Variants in DLG2 observed in about 807,000 individuals in gnomAD.
DLG2 encodes the protein disks large homolog 2.
A neutral mutation model predicts 132.5 loss-of-function variants in DLG2; 45 were observed. The ratio of observed to expected loss-of-function variants is 0.34; its 90% confidence interval spans 0.27 to 0.44. The LOEUF (loss-of-function observed/expected upper bound fraction) is 0.44, where lower values mean the gene tolerates loss of function less well. Ranked by LOEUF, DLG2 falls within the 20% of genes least tolerant of loss-of-function variation. The probability of loss-of-function intolerance (pLI) is 1.00; values close to 1 mark genes in which losing one functional copy is unlikely to be tolerated. For missense variants in DLG2, 1,045 were observed against 1,196.9 expected, an observed-to-expected ratio of 0.87 and a Z score of 1.87; for synonymous variants, 424 against 419.6, an observed-to-expected ratio of 1.01 and a Z score of -0.13.
intron 6 of DLG2, among the ~76,000 whole-genome samples, chr11:84,870,258 A>C (rs932098529): frequency 2.6e-5 from 4 of 152,204 alleles, no homozygotes; most frequent in African/African-American, 4.8e-5. Flanking sequence ...GGGAAGAGCG[A>C]TGTTTTAGCA....
chr11:85,264,084 C>A (rs1164654835), intron 4 of DLG2, among the ~76,000 whole-genome samples: 1 of 152,058 alleles, frequency 6.6e-6, no homozygotes, highest in African/African-American at 2.4e-5. Flanking sequence ...GATGTTGTGC[C>A]AACAGGTTTG....
At chr11:84,273,303 GAGGAA>G in intron 7 of DLG2, 1 of 335,952 alleles carries the variant, frequency 3.0e-6, no homozygotes, top group Non-Finnish European at 4.0e-6. Context: ...CCCAGTTGAA[GAGGAA>G]AAAAAAAAAA....
chr11:84,553,039 T>C (rs1329108969), intron 6 of DLG2, among the ~76,000 whole-genome samples: 1 of 152,156 alleles, frequency 6.6e-6, no homozygotes, highest in Non-Finnish European at 1.5e-5. Flanking sequence ...CTTTCTAATC[T>C]TTTCTCACCT....
intron 6 of DLG2, among the ~76,000 whole-genome samples, chr11:85,109,570 T>C (rs2072368032): frequency 6.6e-6 from 1 of 152,146 alleles, no homozygotes; most frequent in African/African-American, 2.4e-5. Context: ...ATCCTAATTA[T>C]GCAATTTCCT....
chr11:83,929,495 C>CT (rs1418033281), intron 15 of DLG2, among the ~76,000 whole-genome samples: 1 of 152,156 alleles, frequency 6.6e-6, no homozygotes, highest in East Asian at 1.9e-4. Context: ...AAGAGGAGGT[C>CT]TTTTTTGTTA....
At chr11:85,563,932 A>G (rs1358206561) in intron 3 of DLG2, among the ~76,000 whole-genome samples, 3 of 152,090 alleles carry the variant, frequency 2.0e-5, no homozygotes, top group African/African-American at 7.2e-5. Context: ...TCCCACCAGA[A>G]ATGTATGGGT....
intron 11 of DLG2, among the ~76,000 whole-genome samples, chr11:84,000,755 GA>G (rs2094304205): frequency 6.6e-6 from 1 of 151,926 alleles, no homozygotes; most frequent in Non-Finnish European, 1.5e-5. Flanking sequence ...ACTATGTACA[GA>G]AAAATTATCC....
chr11:83,591,381 A>T (rs1421820260), intron 19 of DLG2, among the ~76,000 whole-genome samples: 15 of 110,222 alleles, frequency 1.4e-4, no homozygotes, highest in Non-Finnish European at 2.4e-4. Context: ...ACAGAGCCAA[A>T]GACAAAAACC....
chr11:84,992,006 G>A (rs965725006), intron 6 of DLG2, among the ~76,000 whole-genome samples: 3 of 152,022 alleles, frequency 2.0e-5, no homozygotes, highest in Admixed American at 2.0e-4. Context: ...CAATCATGAA[G>A]GCATCTAAGT....
intron 6 of DLG2, among the ~76,000 whole-genome samples, chr11:84,795,588 C>T (rs2074480371): frequency 1.3e-5 from 2 of 152,138 alleles, no homozygotes; most frequent in Non-Finnish European, 2.9e-5. Context: ...AGACAGGGGA[C>T]AAGAACTCAG....
chr11:84,757,479 G>A lies in DLG2; in HGVS notation c.358-222748C>T, dbSNP rs375074236. ...TTTGAGGAGCATTGGACAGATAATCGCTTAAGCCCTGGTATTCTACAAGAT... is the reference window on the plus strand; with the variant it reads ...TTTGAGGAGCATTGGACAGATAATCACTTAAGCCCTGGTATTCTACAAGAT... On this transcript the variant is annotated intron_variant, in intron 6 of 27. Coordinates refer to ENST00000376104, the MANE Select transcript of DLG2 (RefSeq NM_001142699.3). Among the ~76,000 whole-genome samples, 12 of 152,038 alleles carry A rather than the reference G, an allele frequency of 7.9e-5. No individual in the cohort carries two copies. The East Asian group carries it at 9.7e-4, about 12-fold the overall frequency.
rs192361559 is a variant in DLG2 at position 84,778,774 on chromosome 11, G to C, written c.358-244043C>G. On this transcript the variant is annotated intron_variant, in intron 6 of 27. Coordinates refer to ENST00000376104, the MANE Select transcript of DLG2 (RefSeq NM_001142699.3). ...TAACATTTGAGTCAGTGAACTGAGA[G>C]AGGAAGACTCACCCTCAAGAAGACC... 1.5e-4 allele frequency among the ~76,000 whole-genome samples: 23 copies of C among 152,288 alleles called. No individual in the cohort carries two copies. The East Asian group carries it at 4.4e-3, about 29-fold the overall frequency.
Position 84,854,264 on chromosome 11 carries a change from C to G in DLG2, c.357+257397G>C, listed in dbSNP as rs116136232. On this transcript the variant is annotated intron_variant, in intron 6 of 27. Coordinates refer to ENST00000376104, the MANE Select transcript of DLG2 (RefSeq NM_001142699.3). ...CTTGTTATTGCCCAATATAAACCTG[C>G]CTAACAAGTAGAACAAAAGTGTATC... Among the ~76,000 whole-genome samples the G allele has an allele frequency of 8.3e-3, 1,253 of 150,852 alleles. 27 individuals carry two copies. Among genetic ancestry groups the G allele is most frequent in the African/African-American group, 0.028 (1,172 of 41,440 alleles).
intron 19 of DLG2, among the ~76,000 whole-genome samples, chr11:83,611,804 G>C (rs563365503): frequency 6.6e-6 from 1 of 152,182 alleles, no homozygotes; most frequent in Admixed American, 6.5e-5. Context: ...GGGACACTGA[G>C]GGCTTGTTGC....
At chr11:83,971,978 T>C (rs2091428839) in intron 12 of DLG2, among the ~76,000 whole-genome samples, 1 of 152,104 alleles carries the variant, frequency 6.6e-6, no homozygotes, top group South Asian at 2.1e-4. Flanking sequence ...TAGAGCAAAA[T>C]TAACTCTAAA....
At position 85,285,258 on chromosome 11, in the gene DLG2, G is replaced by A; in HGVS notation, c.148C>T (p.Leu50Phe). 6.2e-7 allele frequency: 1 copy of A among 1,611,886 alleles called. No homozygotes were observed. Among genetic ancestry groups the A allele is most frequent in the Non-Finnish European group, 8.5e-7 (1 of 1,178,562 alleles). Residue 50 changes from leucine to phenylalanine, a missense_variant, in exon 4 of 28, where the codon CTT becomes TTT. Leu to Phe is a conservative substitution (Grantham distance 22, BLOSUM62 0). Transcript: ENST00000376104. The part of the protein sequence containing the change: ...VLQKWEKTSL[L>F]APCHDRLQKS... Reference sequence around the variant, plus strand: ...TGAAGTCTGTCATGGCACGGAGCAAGAAGGGATGTCTTCTCCCATTTCTGT... The same window carrying A: ...TGAAGTCTGTCATGGCACGGAGCAAAAAGGGATGTCTTCTCCCATTTCTGT...
intron 6 of DLG2, among the ~76,000 whole-genome samples, chr11:85,070,197 A>C (rs2065620262): frequency 6.6e-6 from 1 of 151,916 alleles, no homozygotes; most frequent in African/African-American, 2.4e-5. Context: ...AGATATACCT[A>C]ATGTAAATGA....
intron 21 of DLG2, among the ~76,000 whole-genome samples, chr11:83,500,376 T>C (rs1326544820): frequency 6.6e-6 from 1 of 152,162 alleles, no homozygotes; most frequent in Non-Finnish European, 1.5e-5. Flanking sequence ...TTGCTAGGAT[T>C]CAAAGTATTC....
At chr11:84,567,142 G>A (rs550031206) in intron 6 of DLG2, among the ~76,000 whole-genome samples, 2 of 152,224 alleles carry the variant, frequency 1.3e-5, no homozygotes, top group East Asian at 3.9e-4. Context: ...ATAAATGCTA[G>A]CCTTTAACTT....
Sources: allele counts gnomAD v4.1 joint callset (sites outside exome capture counted in the v4.1 genomes callset), GRCh38; gene constraint gnomAD v4.1.1; transcripts MANE v1.5; gene names NCBI Gene and HGNC (gene_info 2026-07-23, HGNC 2026-07-21).